Variants in KLRG1 observed in about 807,000 individuals in gnomAD.
The protein encoded by KLRG1 is killer cell lectin-like receptor subfamily G member 1.
A neutral mutation model predicts 21.8 loss-of-function variants in KLRG1; 16 were observed. The ratio of observed to expected loss-of-function variants is 0.73; its 90% CI spans 0.50 to 1.11. The LOEUF is 1.11. Ranked by LOEUF, KLRG1 falls within the 50% of genes most tolerant of loss-of-function variation. The probability of loss-of-function intolerance (pLI) is 0.00; values close to 1 mark genes in which losing one functional copy is unlikely to be tolerated. For synonymous variants in KLRG1, 69 were observed against 75.9 expected (o/e 0.91, Z 0.47); for missense variants, 173 against 218.3 (o/e 0.79, Z 1.31).
chr12:9,010,749 TA>T lies in KLRG1; in HGVS notation c.*1214del, dbSNP rs1285781185. ...ATAAATAAATGGATGAATTAAAAAG[TA>T]AGAATGAAAACTGTTCATTCTAGTT... On this transcript the variant is annotated 3_prime_UTR_variant, in exon 5 of 5. Coordinates refer to ENST00000356986, the MANE Select transcript of KLRG1 (RefSeq NM_005810.4). The T allele has an allele frequency of 6.6e-6, 1 of 152,230 alleles. No homozygotes were observed. The highest frequency in any genetic ancestry group is 6.5e-5 in the Admixed American group (1 of 15,284). 9.4% of individuals were successfully genotyped at this position (152,230 alleles called of 1,614,324 possible).
At chr12:8,984,594 C>T (rs1277671635), upstream of KLRG1, among the ~76,000 whole-genome samples, 2 of 152,104 alleles carry the variant, frequency 1.3e-5, no homozygotes, top group East Asian at 3.8e-4. Flanking sequence ...CTGTTCTGTT[C>T]TGGAATAGTC....
At chr12:9,114,157 C>G in the KLRG1 span, among the ~76,000 whole-genome samples, 1 of 152,126 alleles carries the variant, frequency 6.6e-6, no homozygotes, top group Non-Finnish European at 1.5e-5. Context: ...TAAATATTTG[C>G]CTTTCAGCTC....
the KLRG1 span, among the ~76,000 whole-genome samples, chr12:9,214,910 ATTT>A: frequency 2.6e-5 from 4 of 152,078 alleles, no homozygotes; most frequent in African/African-American, 9.6e-5. Context: ...TTAAAAAAAA[ATTT>A]TTAAGTCAGT....
the KLRG1 span, among the ~76,000 whole-genome samples, chr12:9,071,347 G>A: frequency 3.3e-5 from 5 of 152,010 alleles, no homozygotes; most frequent in African/African-American, 1.2e-4. Context: ...AACACCTAGC[G>A]TCTTGTCCCC....
the KLRG1 span, among the ~76,000 whole-genome samples, chr12:9,200,142 A>G: frequency 1.1e-4 from 16 of 152,236 alleles, no homozygotes; most frequent in Non-Finnish European, 1.9e-4. Context: ...AAAATATATG[A>G]TGAAACAATA....
At chr12:9,047,795 A>G in the KLRG1 span, among the ~76,000 whole-genome samples, 6 of 152,216 alleles carry the variant, frequency 3.9e-5, no homozygotes, top group Non-Finnish European at 7.4e-5. Context: ...GCAAGGAAAA[A>G]GGGGCCAATT....
At chr12:9,051,185 C>T in the KLRG1 span, among the ~76,000 whole-genome samples, 6 of 152,286 alleles carry the variant, frequency 3.9e-5, no homozygotes, top group African/African-American at 9.6e-5. Context: ...ATGGAGAGAA[C>T]GGAGAGAGGA....
chr12:8,987,903 G>A (rs766081828), upstream of KLRG1, among the ~76,000 whole-genome samples: 1 of 152,286 alleles, frequency 6.6e-6, no homozygotes, highest in Admixed American at 6.5e-5. Context: ...TTCATATTAA[G>A]GGCGTGAAAA....
chr12:9,056,080 G>T, the KLRG1 span, among the ~76,000 whole-genome samples: 1 of 152,188 alleles, frequency 6.6e-6, no homozygotes, highest in Non-Finnish European at 1.5e-5. Context: ...GAAGGCTTGG[G>T]ATATGTAGAG....
At chr12:9,004,945 TTA>T (rs1210005694) in intron 3 of KLRG1, among the ~76,000 whole-genome samples, 1 of 152,122 alleles carries the variant, frequency 6.6e-6, no homozygotes, top group Non-Finnish European at 1.5e-5. Context: ...CACATAATAA[TTA>T]TATATATAGG....
chr12:9,138,222 G>A, the KLRG1 span, among the ~76,000 whole-genome samples: 1 of 151,898 alleles, frequency 6.6e-6, no homozygotes, highest in African/African-American at 2.4e-5. Context: ...TTTTTAACAT[G>A]AAAGAATGTT....
the KLRG1 span, among the ~76,000 whole-genome samples, chr12:9,060,746 T>C: frequency 6.6e-6 from 1 of 152,226 alleles, no homozygotes; most frequent in African/African-American, 2.4e-5. Flanking sequence ...TTAAAATAAA[T>C]TCTACAAAGG....
the KLRG1 span, among the ~76,000 whole-genome samples, chr12:9,088,919 A>T: frequency 6.6e-6 from 1 of 152,160 alleles, no homozygotes; most frequent in Non-Finnish European, 1.5e-5. Flanking sequence ...ATTAATTTTG[A>T]TTCTACCCAC....
At chr12:9,110,293 G>A in the KLRG1 span, 36 of 1,460,710 alleles carry the variant, frequency 2.5e-5, no homozygotes, top group Admixed American at 2.7e-4. Context: ...CTTTTAATAT[G>A]GAATGTTTCA....
intron 2 of KLRG1, 69 bp from the exon 3 acceptor site, chr12:8,995,050 T>TC: frequency 7.0e-7 from 1 of 1,419,194 alleles, no homozygotes; most frequent in Non-Finnish European, 9.5e-7. Flanking sequence ...ATATTCCATT[T>TC]TATCTCCCAT....
intron 1 of KLRG1, among the ~76,000 whole-genome samples, chr12:8,950,735 C>T (rs1206694334): frequency 1.7e-5 from 2 of 121,130 alleles, no homozygotes; most frequent in Admixed American, 7.8e-5. Context: ...CTCGGTGGTG[C>T]CCGGCACTTT....
the KLRG1 span, among the ~76,000 whole-genome samples, chr12:9,018,705 AGAAGGAAGGAAG>A: frequency 6.6e-6 from 1 of 151,016 alleles, no homozygotes; most frequent in Non-Finnish European, 1.5e-5. Flanking sequence ...AAAGAAAGAA[AGAAGGAAGGAAG>A]GAAGGAAGGA....
At chr12:8,996,448 A>G (rs1947133309) in intron 3 of KLRG1, 1 of 152,178 alleles carries the variant, frequency 6.6e-6, no homozygotes, top group African/African-American at 2.4e-5. Context: ...ATTGGGTAGG[A>G]TCTAGTCACA....
At chr12:9,003,194 GA>G (rs1334964852) in intron 3 of KLRG1, among the ~76,000 whole-genome samples, 1 of 152,092 alleles carries the variant, frequency 6.6e-6, no homozygotes, top group African/African-American at 2.4e-5. Flanking sequence ...GATTCTAACT[GA>G]AATTTCTGAG....
Sources: allele counts gnomAD v4.1 joint callset (sites outside exome capture counted in the v4.1 genomes callset), GRCh38; gene constraint gnomAD v4.1.1; transcripts MANE v1.5; gene names NCBI Gene and HGNC (gene_info 2026-07-23, HGNC 2026-07-21).